The following DNAH6 variants were observed in gnomAD, a reference collection of about 807,000 sequenced individuals.
DNAH6 encodes the protein dynein axonemal heavy chain 6.
In DNAH6, 340 loss-of-function variants were observed where a neutral mutation model predicts 491.4. The observed-to-expected ratio is 0.69, with a 90% CI of 0.63 to 0.76. The LOEUF (loss-of-function observed/expected upper bound fraction) is 0.76. Among genes scored for constraint, DNAH6 ranks in the 30% least tolerant of loss-of-function variants. The probability of loss-of-function intolerance (pLI) is 0.00; values close to 1 mark genes in which losing one functional copy is unlikely to be tolerated. For synonymous variants in DNAH6, 1,603 were observed against 1,686.1 expected, an observed-to-expected ratio of 0.95 and a Z score of 1.21; for missense variants, 4,443 against 4,972.2, an observed-to-expected ratio of 0.89 and a Z score of 3.20.
At chr2:84,594,545 A>AT (rs1229821585) in intron 17 of DNAH6, among the ~76,000 whole-genome samples, 1 of 152,206 alleles carries the variant, frequency 6.6e-6, no homozygotes, top group Non-Finnish European at 1.5e-5. Context: ...AACTTTTTAA[A>AT]TTAGAGAGCC....
intron 59 of DNAH6, among the ~76,000 whole-genome samples, chr2:84,721,799 T>C (rs1698191249): frequency 6.6e-6 from 1 of 152,252 alleles, no homozygotes; most frequent in South Asian, 2.1e-4. Context: ...GAGCAAATAC[T>C]GAGCAGTCAG....
chr2:84,511,223 A>G, the DNAH6 span, among the ~76,000 whole-genome samples: 1 of 152,174 alleles, frequency 6.6e-6, no homozygotes, highest in Admixed American at 6.5e-5. Flanking sequence ...GGCTCCACCC[A>G]GTTCGAGCTT....
intron 70 of DNAH6, 107 bp downstream of exon 70, chr2:84,797,765 C>T (rs933201141): frequency 2.0e-6 from 2 of 1,001,334 alleles, no homozygotes; most frequent in Admixed American, 5.4e-5. Flanking sequence ...CCTAAATAAA[C>T]AAATAAAATA....
chr2:84,541,879 T>A (rs1318734390), intron 4 of DNAH6, among the ~76,000 whole-genome samples: 1 of 152,174 alleles, frequency 6.6e-6, no homozygotes, highest in Non-Finnish European at 1.5e-5. Context: ...TTGGAATACA[T>A]AAAGATTCTC....
chr2:84,514,812 T>C (rs889786376), upstream of DNAH6, among the ~76,000 whole-genome samples: 1 of 151,782 alleles, frequency 6.6e-6, no homozygotes, highest in African/African-American at 2.4e-5. Flanking sequence ...TATAGTAATA[T>C]CTTTGTAAAA....
intron 16 of DNAH6, among the ~76,000 whole-genome samples, chr2:84,591,340 C>T (rs1241761764): frequency 6.6e-6 from 1 of 151,988 alleles, no homozygotes; most frequent in Non-Finnish European, 1.5e-5. Context: ...AAACAATTTA[C>T]AATAGCATAA....
At chr2:84,655,315 C>T (rs1690847850) in intron 35 of DNAH6, among the ~76,000 whole-genome samples, 1 of 152,094 alleles carries the variant, frequency 6.6e-6, no homozygotes, top group African/African-American at 2.4e-5. Flanking sequence ...ACAATTCCAC[C>T]CAAAGTGAAG....
At chr2:84,605,270 G>A (rs930993806) in intron 19 of DNAH6, among the ~76,000 whole-genome samples, 3 of 150,580 alleles carry the variant, frequency 2.0e-5, no homozygotes, top group Non-Finnish European at 2.9e-5. Flanking sequence ...GGAGAATGGC[G>A]TGAACCCAGG....
chr2:84,593,685 A>G (rs911527878), intron 16 of DNAH6, among the ~76,000 whole-genome samples: 2 of 152,186 alleles, frequency 1.3e-5, no homozygotes, highest in African/African-American at 4.8e-5. Flanking sequence ...AACTCAAAAA[A>G]GTGTTACTCT....
chr2:84,525,945 T>A (rs1034368976), intron 3 of DNAH6, among the ~76,000 whole-genome samples: 2 of 152,208 alleles, frequency 1.3e-5, no homozygotes. Flanking sequence ...TCACCATCTG[T>A]ACAGTGCCTT....
rs1298654844 is a variant in DNAH6, at chr2:84,813,060, G to A, written c.11928G>A (p.Leu3976=). The A allele has an allele frequency of 3.2e-6, 5 of 1,550,756 alleles. No individual in the cohort carries two copies. In the Admixed American group the frequency reaches 9.8e-5, roughly 30 times the overall value. ...TTATGAATATGTTTCTCCTTCAGCT[G>A]TGGCTCAAAAGAGGACAGCCTAAGT... The part of the protein sequence containing the change: ...DLILRTSFVD[L]WLKRGQPKSY... The change falls in exon 74 of 77, where the codon CTG becomes CTA. Residue 3976 remains leucine, a splice_region_variant and synonymous_variant. Coordinates refer to ENST00000389394, the MANE Select transcript of DNAH6 (RefSeq NM_001370.2).
intron 63 of DNAH6, among the ~76,000 whole-genome samples, chr2:84,755,406 C>G (rs1673908630): frequency 6.6e-6 from 1 of 152,068 alleles, no homozygotes. Flanking sequence ...TATAAATTAC[C>G]CAGTCTCAAG....
At chr2:84,488,418 T>G in the DNAH6 span, among the ~76,000 whole-genome samples, 4 of 151,570 alleles carry the variant, frequency 2.6e-5, no homozygotes, top group East Asian at 7.7e-4. Context: ...ATTAAAAAAA[T>G]TAAAAAAAAG....
At chr2:84,750,480 T>G (rs1000645538) in intron 63 of DNAH6, among the ~76,000 whole-genome samples, 14 of 152,304 alleles carry the variant, frequency 9.2e-5, no homozygotes, top group Non-Finnish European at 2.1e-4. Context: ...CCACCATGCC[T>G]GGCCTATGTG....
chr2:84,677,333 C>T (rs935604295), intron 41 of DNAH6, among the ~76,000 whole-genome samples, 197 bp downstream of exon 41: 1 of 152,180 alleles, frequency 6.6e-6, no homozygotes, highest in African/African-American at 2.4e-5. Flanking sequence ...ATCTGTTGGT[C>T]TCAGAGAGTT....
At position 84,654,717 on chromosome 2, in the gene DNAH6, G is replaced by A. The variant is rs1016323926; in HGVS notation, c.5692G>A (p.Val1898Met). The A allele has an allele frequency of 6.4e-7, 1 of 1,551,158 alleles. No individual in the cohort carries two copies. The highest frequency in any genetic ancestry group is 8.7e-7 in the Non-Finnish European group (1 of 1,146,472). ...AGTCAGTCGATGTGGAATGGTGTTT[G>A]TGGATCCTGAAGAACTGAAATGGAT... ...ATVSRCGMVF[V>M]DPEELKWMPY... Residue 1898 changes from valine (V) to methionine (M), a missense_variant, in exon 35 of 77, where the codon GTG becomes ATG. Val to Met is a conservative substitution (Grantham distance 21, BLOSUM62 1). This residue lies in a region of DNAH6 where 2,977 missense variants were observed against 3,296.6 expected (regional missense o/e 0.90). Transcript: ENST00000389394.
At chr2:84,507,005 C>T in the DNAH6 span, among the ~76,000 whole-genome samples, 14 of 152,178 alleles carry the variant, frequency 9.2e-5, no homozygotes, top group Admixed American at 9.2e-4. Context: ...TAGCGTGATG[C>T]CTCCAGCTTT....
chr2:84,743,738 C>T (rs1672720187), intron 62 of DNAH6, among the ~76,000 whole-genome samples: 4 of 152,180 alleles, frequency 2.6e-5, no homozygotes, highest in Non-Finnish European at 5.9e-5. Flanking sequence ...TGGAGAATTG[C>T]TTGAACCTGG....
chr2:84,770,680 T>TA (rs1425219649), intron 64 of DNAH6, among the ~76,000 whole-genome samples: 3 of 151,578 alleles, frequency 2.0e-5, no homozygotes, highest in Non-Finnish European at 4.4e-5. Context: ...TGAGCAAAAA[T>TA]AAAAAAATAC....
Sources: gnomAD v4.1 joint callset for allele counts (sites outside exome capture counted in the v4.1 genomes callset) on GRCh38, gnomAD v4.1.1 for gene constraint, gnomAD v4.1.1 regional missense constraint, MANE v1.5 for transcripts, NCBI Gene and HGNC (gene_info 2026-07-23, HGNC 2026-07-21) for gene names.